The following ESRRG variants were observed in gnomAD, a reference collection of about 807,000 sequenced individuals.
The protein encoded by ESRRG is estrogen related receptor gamma.
ESRRG carries 13 observed loss-of-function variants against 44.0 expected under a neutral mutation model. The observed-to-expected ratio is 0.30, with a 90% confidence interval of 0.19 to 0.47. The LOEUF (loss-of-function observed/expected upper bound fraction) is 0.47, where lower values mean the gene tolerates loss of function less well. ESRRG is among the 20% of genes least tolerant of loss of function. The pLI, the probability that ESRRG is intolerant of heterozygous loss-of-function variation, is 1.00. For synonymous variants in ESRRG, 215 were observed against 214.6 expected (o/e 1.00, Z -0.02); for missense variants, 395 against 580.6 (o/e 0.68, Z 3.29).
intron 5 of ESRRG, among the ~76,000 whole-genome samples, chr1:216,532,113 G>A (rs1003532508): frequency 1.3e-5 from 2 of 151,354 alleles, no homozygotes; most frequent in African/African-American, 4.9e-5. Flanking sequence ...CAAAATGAAA[G>A]GGGGAGAAGA....
At chr1:216,715,430 G>A (rs2084642850) in intron 1 of ESRRG, among the ~76,000 whole-genome samples, 1 of 152,004 alleles carries the variant, frequency 6.6e-6, no homozygotes, top group South Asian at 2.1e-4. Context: ...CTGTTTTAAT[G>A]GATTAATGGC....
chr1:216,996,686 C>T (rs931035298), intron 1 of ESRRG, among the ~76,000 whole-genome samples: 2 of 151,974 alleles, frequency 1.3e-5, no homozygotes, highest in African/African-American at 4.8e-5. Flanking sequence ...CTGAGTCCTC[C>T]CCTAATCCTG....
intron 2 of ESRRG, among the ~76,000 whole-genome samples, chr1:216,921,334 G>A (rs1398436573): frequency 2.0e-5 from 3 of 152,006 alleles, no homozygotes; most frequent in Non-Finnish European, 2.9e-5. Flanking sequence ...GTGTTCCATC[G>A]GTAAGACGAG....
chr1:216,548,998 C>A (rs1297681041), intron 5 of ESRRG, among the ~76,000 whole-genome samples: 1 of 152,044 alleles, frequency 6.6e-6, no homozygotes, highest in Non-Finnish European at 1.5e-5. Flanking sequence ...ATTGGTACTG[C>A]CAAATGTTAA....
intron 2 of ESRRG, among the ~76,000 whole-genome samples, chr1:216,906,239 A>G (rs1263577031): frequency 1.3e-5 from 2 of 152,214 alleles, no homozygotes; most frequent in African/African-American, 4.8e-5. Context: ...CTAAAATGAA[A>G]GAGAAGAACT....
At chr1:216,868,079 CTT>C (rs58738849) in intron 2 of ESRRG, among the ~76,000 whole-genome samples, 2,979 of 78,050 alleles carry the variant, frequency 0.038, 31 homozygotes, top group African/African-American at 0.11. Context: ...TATATTGATC[CTT>C]TTTTTTTTTT....
At chr1:216,990,881 G>A (rs2075580727) in intron 1 of ESRRG, among the ~76,000 whole-genome samples, 1 of 152,066 alleles carries the variant, frequency 6.6e-6, no homozygotes, top group African/African-American at 2.4e-5. Context: ...CATTGTTCTA[G>A]GGTCAATTGT....
chr1:216,638,374 A>G (rs995507200), intron 3 of ESRRG, among the ~76,000 whole-genome samples: 2 of 150,876 alleles, frequency 1.3e-5, no homozygotes, highest in African/African-American at 2.4e-5. Flanking sequence ...CTCTGAGTCT[A>G]TCTCTGCACT....
intron 1 of ESRRG, among the ~76,000 whole-genome samples, chr1:217,119,152 G>C (rs370124024): frequency 9.3e-4 from 142 of 152,230 alleles, no homozygotes; most frequent in African/African-American, 3.2e-3. Context: ...TGCCAATTTG[G>C]GTTAATGCAA....
At chr1:216,705,268 T>G (rs2151913299) in intron 1 of ESRRG, among the ~76,000 whole-genome samples, 1 of 152,196 alleles carries the variant, frequency 6.6e-6, no homozygotes, top group South Asian at 2.1e-4. Flanking sequence ...TTGTACATGG[T>G]AGCCAACTAA....
At chr1:216,902,976 A>G (rs2059259978) in intron 2 of ESRRG, among the ~76,000 whole-genome samples, 1 of 152,182 alleles carries the variant, frequency 6.6e-6, no homozygotes, top group Non-Finnish European at 1.5e-5. Flanking sequence ...TTCATCAAGC[A>G]TTTATGAATG....
intron 1 of ESRRG, among the ~76,000 whole-genome samples, chr1:216,698,400 T>C (rs1368466495): frequency 6.6e-6 from 1 of 150,786 alleles, no homozygotes; most frequent in African/African-American, 2.4e-5. Context: ...GCGCCTGTAG[T>C]CCCAGCTACT....
intron 2 of ESRRG, among the ~76,000 whole-genome samples, chr1:216,664,791 G>A (rs896990948): frequency 3.3e-5 from 5 of 151,660 alleles, no homozygotes; most frequent in Non-Finnish European, 4.4e-5. Context: ...TTGTACTGCC[G>A]CTCTAGAAAA....
chr1:217,053,347 CA>C (rs972385157), intron 1 of ESRRG, among the ~76,000 whole-genome samples: 2 of 151,618 alleles, frequency 1.3e-5, no homozygotes, highest in Non-Finnish European at 2.9e-5. Context: ...CCCAGCTGCT[CA>C]GGGGGCTGAG....
intron 1 of ESRRG, among the ~76,000 whole-genome samples, chr1:216,964,669 CTTT>C (rs935386778): frequency 6.6e-5 from 10 of 152,040 alleles, no homozygotes; most frequent in Non-Finnish European, 1.2e-4. Context: ...CTCACTTCTT[CTTT>C]CTGGTCTAGA....
intron 1 of ESRRG, among the ~76,000 whole-genome samples, chr1:216,956,360 TC>T (rs1300989730): frequency 6.6e-6 from 1 of 152,150 alleles, no homozygotes; most frequent in Non-Finnish European, 1.5e-5. Context: ...TCTTTCTTTC[TC>T]TAACAACACC....
chr1:217,127,503 A>G (rs1263049307), intron 1 of ESRRG, among the ~76,000 whole-genome samples: 4 of 152,268 alleles, frequency 2.6e-5, no homozygotes, highest in African/African-American at 7.2e-5. Flanking sequence ...AGTCTAATGC[A>G]TAATAGGTAC....
At chr1:216,614,188 C>T (rs529795304) in intron 3 of ESRRG, among the ~76,000 whole-genome samples, 7 of 152,318 alleles carry the variant, frequency 4.6e-5, no homozygotes, top group African/African-American at 7.2e-5. Context: ...GGCCTCAGAG[C>T]GATTAAATTG....
Position 217,057,341 on chromosome 1 carries a change from A to G in ESRRG, c.-106+32166T>C, listed in dbSNP as rs80256830. On this transcript the variant is annotated intron_variant, in intron 1 of 7. Transcript: ENST00000359162. ...ATGTCAGAAAAAATTAAGTTCACAT[A>G]AAAATGAACAATGGAATAGTATCAA... is the stretch of plus-strand genomic sequence containing the variant. 2.5e-3 allele frequency among the ~76,000 whole-genome samples: 383 copies of G among 152,316 alleles called. 10 individuals are homozygous for G. The East Asian group carries it at 0.062, about 25-fold the overall frequency.
Sources: gnomAD v4.1 joint callset for allele counts (sites outside exome capture counted in the v4.1 genomes callset) on GRCh38, gnomAD v4.1.1 for gene constraint, MANE v1.5 for transcripts, NCBI Gene and HGNC (gene_info 2026-07-23, HGNC 2026-07-21) for gene names.